Variants in NRK observed in about 807,000 individuals in gnomAD.
NRK encodes the protein Nik related kinase, also known as nik-related protein kinase.
A neutral mutation model predicts 125.2 loss-of-function variants in NRK; 67 were observed. The ratio of observed to expected loss-of-function variants is 0.54; its 90% confidence interval spans 0.44 to 0.66. The LOEUF (loss-of-function observed/expected upper bound fraction) is 0.66. NRK is among the 30% of genes least tolerant of loss of function. The pLI, the probability that NRK is intolerant of heterozygous loss-of-function variation, is 0.00. For missense variants in NRK, 1,224 were observed against 1,192.9 expected (o/e 1.03, Z -0.38); for synonymous variants, 458 against 429.0 (o/e 1.07, Z -0.84).
chrX:105,865,025 C>G (rs763778656), intron 2 of NRK, among the ~76,000 whole-genome samples: 1 of 111,471 alleles, frequency 9.0e-6, no homozygotes, highest in East Asian at 2.8e-4. Context: ...CTTCAGGCTC[C>G]TGTTGGGGAT....
chrX:105,885,514 A>G (rs1254099660), intron 4 of NRK, among the ~76,000 whole-genome samples: 2 of 112,552 alleles, frequency 1.8e-5, no homozygotes, highest in East Asian at 2.8e-4. Context: ...TCTCAAGTGT[A>G]TTGCATCTGT....
chrX:105,945,075 C>A (rs904992311), intron 24 of NRK, among the ~76,000 whole-genome samples: 1 of 111,976 alleles, frequency 8.9e-6, no homozygotes. Flanking sequence ...TGGCAGCATT[C>A]TATCATGTCC....
intron 2 of NRK, among the ~76,000 whole-genome samples, chrX:105,848,159 G>A (rs12390159): frequency 0.2 from 22,486 of 110,865 alleles, 1,680 homozygotes; most frequent in Middle Eastern, 0.31. Context: ...CTCCATTCAG[G>A]TCGTAGGTCA....
intron 19 of NRK, among the ~76,000 whole-genome samples, chrX:105,929,539 C>T (rs2040568084): frequency 9.2e-6 from 1 of 108,146 alleles, no homozygotes; most frequent in Non-Finnish European, 1.9e-5. Context: ...TGAACACTTA[C>T]TCCTGTCATT....
rs2040258909 is a variant in NRK, at chrX:105,909,081, A to C, written c.1440A>C (p.Pro480=). 8.3e-7 allele frequency: 1 copy of C among 1,208,997 alleles called. No homozygotes were observed. The highest frequency in any genetic ancestry group is 1.7e-5 in the African/African-American group (1 of 57,150). ...GGAGGGCAGCCAGGGTGCTCATGCC[A>C]CTACAGGCACAGGTTAGGGCACCTA... is the stretch of plus-strand genomic sequence containing the variant. The part of the protein sequence containing the change: ...RLRRAARVLM[P]LQAQVRAPRL... The change falls in exon 13 of 29, where the codon CCA becomes CCC. Residue 480 remains proline, a synonymous_variant. Coordinates refer to ENST00000243300, the MANE Select transcript of NRK (RefSeq NM_198465.4).
At chrX:105,898,836 A>G in intron 8 of NRK, 122 bp downstream of exon 8, 1 of 501,843 alleles carries the variant, frequency 2.0e-6, no homozygotes, top group Non-Finnish European at 3.1e-6. Context: ...ATTAAATGCT[A>G]GTAGGAAATA....
chrX:105,906,828 A>T (rs1440004294), intron 11 of NRK, among the ~76,000 whole-genome samples: 5 of 105,535 alleles, frequency 4.7e-5, no homozygotes, highest in African/African-American at 1.4e-4. Flanking sequence ...AATTCTTGCC[A>T]GTTACACCTG....
intron 12 of NRK, 135 bp downstream of exon 12, chrX:105,908,438 G>C: frequency 2.3e-6 from 1 of 443,920 alleles, no homozygotes; most frequent in Non-Finnish European, 3.7e-6. Flanking sequence ...GTTTTTAAGA[G>C]ATATTGAGTG....
intron 28 of NRK, 94 bp downstream of exon 28, chrX:105,953,267 A>C: frequency 1.4e-6 from 1 of 704,314 alleles, no homozygotes. Context: ...TCTGGCTATA[A>C]ATATATTTGT....
chrX:105,871,475 A>G (rs945368508), intron 2 of NRK, among the ~76,000 whole-genome samples: 6 of 104,188 alleles, frequency 5.8e-5, no homozygotes, highest in Admixed American at 3.0e-4. Flanking sequence ...TTATCTTTGT[A>G]CACCCCACCA....
rs1484667528 is a variant in NRK at position 105,923,406 on chromosome X, A to G, written c.2899A>G (p.Lys967Glu). ...NQVDQANDVC[K>E]DHDDDNNKFV... ...GGTTGATCAGGCTAATGATGTTTGT[A>G]AAGACCATGATGATGACAACAATAA... The change falls in exon 18 of 29, where the codon AAA (lysine) becomes GAA (glutamate). Residue 967 changes from lysine (K) to glutamate (E), a missense_variant. Transcript: ENST00000243300. 4 of 1,147,809 alleles carry G rather than the reference A, an allele frequency of 3.5e-6. No individual in the cohort carries two copies. The highest frequency in any genetic ancestry group is 6.5e-5 in the East Asian group (2 of 30,672). 94.6% of individuals were successfully genotyped at this position (1,147,809 alleles called of 1,213,427 possible). A position where few individuals can be genotyped will look rare whatever the true frequency, so the allele number is the denominator to read the frequency against.
Position 105,905,339 on chromosome X carries a change from G to A in NRK, c.841G>A (p.Gly281Arg), listed in dbSNP as rs377064886. ...RESAPTVKSS[G>R]WSRKFHNFME... Reference sequence around the variant, plus strand: ...ATCTGCTCCCACAGTCAAATCCAGCGGATGGTAAAGATGAATGTCTTAATC... The same window carrying A: ...ATCTGCTCCCACAGTCAAATCCAGCAGATGGTAAAGATGAATGTCTTAATC... Residue 281 changes from glycine (G) to arginine (R), a missense_variant, in exon 10 of 29, where the codon GGA becomes AGA. Physicochemically the swap from Gly to Arg is moderately radical, Grantham distance 125. Transcript: ENST00000243300. The A allele has an allele frequency of 8.7e-5, 102 of 1,171,999 alleles. No individual in the cohort carries two copies. Among genetic ancestry groups the A allele is most frequent in the Non-Finnish European group, 1.1e-4 (91 of 862,248 alleles).
intron 3 of NRK, 130 bp from the exon 4 acceptor site, chrX:105,881,578 G>A: frequency 2.6e-6 from 1 of 385,120 alleles, no homozygotes. Flanking sequence ...TAAAACTATT[G>A]GAGAAAATTG....
intron 2 of NRK, among the ~76,000 whole-genome samples, chrX:105,874,283 G>A (rs1003119337): frequency 8.9e-6 from 1 of 112,108 alleles, no homozygotes; most frequent in Non-Finnish European, 1.9e-5. Flanking sequence ...GCAGAGGACA[G>A]ACTTATAAAA....
At chrX:105,954,969 G>A (rs964299922) in intron 28 of NRK, among the ~76,000 whole-genome samples, 5 of 110,821 alleles carry the variant, frequency 4.5e-5, no homozygotes, top group Admixed American at 9.6e-5. Context: ...AGTGTATATG[G>A]ACTTCAAAAC....
At chrX:105,865,766 G>T (rs754120371) in intron 2 of NRK, among the ~76,000 whole-genome samples, 1 of 111,110 alleles carries the variant, frequency 9.0e-6, no homozygotes, top group East Asian at 2.8e-4. Context: ...ATCTCTTAAA[G>T]ACTTATTTAG....
intron 5 of NRK, among the ~76,000 whole-genome samples, chrX:105,889,524 G>A (rs907622407): frequency 3.6e-5 from 4 of 112,078 alleles, no homozygotes; most frequent in African/African-American, 1.3e-4. Flanking sequence ...CTTCAACCCC[G>A]CATTTCCCTT....
intron 5 of NRK, among the ~76,000 whole-genome samples, chrX:105,893,378 T>C (rs771929102): frequency 9.0e-6 from 1 of 111,650 alleles, no homozygotes; most frequent in South Asian, 3.8e-4. Context: ...TGTAAACTCT[T>C]TTGAGACCCT....
intron 3 of NRK, 78 bp from the exon 4 acceptor site, chrX:105,881,630 C>T (rs1036389987): frequency 3.8e-5 from 20 of 532,528 alleles, no homozygotes; most frequent in African/African-American, 2.1e-4. Flanking sequence ...TGAGTGCTAA[C>T]GTAGCTTAAA....
Sources: gnomAD v4.1 joint callset for allele counts (sites outside exome capture counted in the v4.1 genomes callset) on GRCh38, gnomAD v4.1.1 for gene constraint, MANE v1.5 for transcripts, NCBI Gene and HGNC (gene_info 2026-07-23, HGNC 2026-07-21) for gene names.